Variants in CYP7B1 observed in about 807,000 individuals in gnomAD.
The protein encoded by CYP7B1 is cytochrome P450 family 7 subfamily B member 1, also known as cytochrome P450 7B1.
In CYP7B1, 29 loss-of-function variants were observed where a neutral mutation model predicts 42.7. The observed-to-expected ratio is 0.68, with a 90% confidence interval of 0.51 to 0.93. The LOEUF (loss-of-function observed/expected upper bound fraction) is 0.93, where lower values mean the gene tolerates loss of function less well. Among genes scored for constraint, CYP7B1 ranks in the 40% least tolerant of loss-of-function variants. The pLI is 0.00. For missense variants in CYP7B1, 655 were observed against 600.5 expected, an observed-to-expected ratio of 1.09 and a Z score of -0.95; for synonymous variants, 235 against 218.2, an observed-to-expected ratio of 1.08 and a Z score of -0.68.
At chr8:64,742,569 A>G (rs1585889173) in intron 1 of CYP7B1, among the ~76,000 whole-genome samples, 1 of 152,310 alleles carries the variant, frequency 6.6e-6, no homozygotes, top group African/African-American at 2.4e-5. Flanking sequence ...CTTAAACAAG[A>G]AAAATTTATT....
chr8:64,629,226 C>A (rs1460384917), intron 1 of CYP7B1, among the ~76,000 whole-genome samples: 55 of 72,500 alleles, frequency 7.6e-4, no homozygotes, highest in African/African-American at 1.3e-3. Context: ...GAATCCATCT[C>A]AAAAAAAAAA....
At chr8:64,630,114 A>G (rs1021725696) in intron 1 of CYP7B1, among the ~76,000 whole-genome samples, 1 of 152,226 alleles carries the variant, frequency 6.6e-6, no homozygotes, top group Non-Finnish European at 1.5e-5. Flanking sequence ...CAATAGGAAC[A>G]TTTGCACAAC....
chr8:64,586,982 A>C (rs1804976402), downstream of CYP7B1, among the ~76,000 whole-genome samples: 1 of 152,226 alleles, frequency 6.6e-6, no homozygotes, highest in South Asian at 2.1e-4. Flanking sequence ...TCAGTTTAAC[A>C]GTAGAAACAA....
intron 1 of CYP7B1, among the ~76,000 whole-genome samples, chr8:64,719,225 G>A (rs560521164): frequency 2.6e-5 from 4 of 151,968 alleles, no homozygotes; most frequent in Admixed American, 6.6e-5. Flanking sequence ...TCTCCCCTCC[G>A]CACACTCAGA....
intron 1 of CYP7B1, among the ~76,000 whole-genome samples, chr8:64,660,271 CT>C (rs1420760030): frequency 6.6e-6 from 1 of 152,102 alleles, no homozygotes. Context: ...TAATCTTAGC[CT>C]TTTGTATTTG....
chr8:64,624,980 TTTTTTTTTTTTG>T, intron 1 of CYP7B1, among the ~76,000 whole-genome samples: 1 of 49,784 alleles, frequency 2.0e-5, no homozygotes, highest in South Asian at 9.3e-4. Context: ...TTTTTTTTTT[TTTTTTTTTTTTG>T]AGACGGAGTC....
chr8:64,742,628 G>A (rs1276892924), intron 1 of CYP7B1, among the ~76,000 whole-genome samples: 1 of 152,084 alleles, frequency 6.6e-6, no homozygotes. Context: ...TGTCCACAGG[G>A]TTAGTCCAAG....
chr8:64,731,107 T>C (rs761464245), intron 1 of CYP7B1, among the ~76,000 whole-genome samples: 5 of 152,294 alleles, frequency 3.3e-5, no homozygotes, highest in East Asian at 3.9e-4. Context: ...CTTTTCTTTA[T>C]AAATCACCCA....
chr8:64,790,503 C>A (rs1003876570), intron 1 of CYP7B1, among the ~76,000 whole-genome samples: 5 of 152,164 alleles, frequency 3.3e-5, no homozygotes, highest in African/African-American at 1.2e-4. Context: ...GAATCAAAGC[C>A]TAAAGCTAAA....
At chr8:64,676,385 C>T (rs974966017) in intron 1 of CYP7B1, among the ~76,000 whole-genome samples, 2 of 152,098 alleles carry the variant, frequency 1.3e-5, no homozygotes, top group Admixed American at 6.6e-5. Flanking sequence ...ACCTTGCCAA[C>T]CATTTAGAAT....
At chr8:64,618,443 T>C (rs769523917) in intron 2 of CYP7B1, among the ~76,000 whole-genome samples, 2 of 152,172 alleles carry the variant, frequency 1.3e-5, no homozygotes, top group Non-Finnish European at 2.9e-5. Context: ...TAAATCTAAA[T>C]GGAAACAGAA....
At chr8:64,778,087 TTCTAGGAATATTTTTA>T (rs1051596427) in intron 1 of CYP7B1, among the ~76,000 whole-genome samples, 3 of 150,994 alleles carry the variant, frequency 2.0e-5, no homozygotes, top group African/African-American at 7.3e-5. Flanking sequence ...ATTTCATATG[TTCTAGGAATATTTTTA>T]TCTTTTGGCA....
intron 1 of CYP7B1, among the ~76,000 whole-genome samples, chr8:64,670,235 G>A (rs146514936): frequency 7.9e-5 from 12 of 152,246 alleles, no homozygotes; most frequent in African/African-American, 2.9e-4. Context: ...CAGCAGTAGA[G>A]CCAAAGCAAG....
intron 1 of CYP7B1, among the ~76,000 whole-genome samples, chr8:64,733,921 G>T (rs575854302): frequency 2.2e-4 from 33 of 152,028 alleles, no homozygotes; most frequent in Admixed American, 4.6e-4. Flanking sequence ...AGTGAGCTAT[G>T]ATTGTGCCCC....
At position 64,798,676 on chromosome 8, in the gene CYP7B1, G is replaced by C. The variant is rs6994347; in HGVS notation, c.-89C>G. On this transcript the variant is annotated 5_prime_UTR_variant, in exon 1 of 6. Transcript: ENST00000310193. ...TCTGCAGCCTGCGGCGGCTTCTCTC[G>C]GCGGCGCCCCCTAGTCCAGGGCCGG... 4,205 of 1,378,016 alleles carry C rather than the reference G, an allele frequency of 3.1e-3. 115 individuals carry two copies. The African/African-American group carries it at 0.05, about 16-fold the overall frequency. The allele number at this position is 1,378,016 out of a possible 1,614,324, so 85.4% of individuals were successfully genotyped here. A position where few individuals can be genotyped will look rare whatever the true frequency, so the allele number is the denominator to read the frequency against.
chr8:64,735,692 AC>A (rs1170951356), intron 1 of CYP7B1, among the ~76,000 whole-genome samples: 2 of 152,148 alleles, frequency 1.3e-5, no homozygotes, highest in Non-Finnish European at 2.9e-5. Context: ...CAAATAACTC[AC>A]AAAAAGTAGA....
intron 1 of CYP7B1, among the ~76,000 whole-genome samples, chr8:64,645,364 T>G (rs1156310335): frequency 6.6e-6 from 1 of 152,250 alleles, no homozygotes; most frequent in East Asian, 1.9e-4. Flanking sequence ...TGAACTAGTT[T>G]ACAGTCCAAC....
At chr8:64,649,816 T>C (rs1806011814) in intron 1 of CYP7B1, among the ~76,000 whole-genome samples, 2 of 152,238 alleles carry the variant, frequency 1.3e-5, no homozygotes, top group Admixed American at 1.3e-4. Flanking sequence ...ACTAGTGGTG[T>C]TGAGCATCTT....
intron 1 of CYP7B1, among the ~76,000 whole-genome samples, chr8:64,777,487 T>TA (rs1224287535): frequency 6.6e-6 from 1 of 152,104 alleles, no homozygotes; most frequent in Non-Finnish European, 1.5e-5. Flanking sequence ...ATTTGAGCCC[T>TA]AAAATGAATA....
Sources: gnomAD v4.1 joint callset for allele counts (sites outside exome capture counted in the v4.1 genomes callset) on GRCh38, gnomAD v4.1.1 for gene constraint, MANE v1.5 for transcripts, NCBI Gene and HGNC (gene_info 2026-07-23, HGNC 2026-07-21) for gene names.